CACNA2D1: variants seen among roughly 807,000 people sequenced by gnomAD.
CACNA2D1 encodes the protein voltage-dependent calcium channel subunit alpha-2/delta-1.
In CACNA2D1, 53 loss-of-function variants were observed where a neutral mutation model predicts 171.5. The observed-to-expected ratio is 0.31, with a 90% confidence interval of 0.25 to 0.39. The LOEUF (loss-of-function observed/expected upper bound fraction) is 0.39. Among genes scored for constraint, CACNA2D1 ranks in the 10% least tolerant of loss-of-function variants. The probability of loss-of-function intolerance (pLI) is 1.00; values close to 1 mark genes in which losing one functional copy is unlikely to be tolerated. For synonymous variants in CACNA2D1, 442 were observed against 443.1 expected, an observed-to-expected ratio of 1.00 and a Z score of 0.03; for missense variants, 903 against 1,299.8, an observed-to-expected ratio of 0.69 and a Z score of 4.69.
intron 3 of CACNA2D1, among the ~76,000 whole-genome samples, chr7:82,190,927 C>T (rs892565094): frequency 6.6e-6 from 1 of 151,540 alleles, no homozygotes; most frequent in Non-Finnish European, 1.5e-5. Flanking sequence ...TTGAATGACA[C>T]TACAAAATTA....
intron 1 of CACNA2D1, among the ~76,000 whole-genome samples, chr7:82,399,371 C>T (rs138600668): frequency 0.021 from 3,154 of 151,258 alleles, 114 homozygotes; most frequent in East Asian, 0.12. Context: ...ACCCAGGAGG[C>T]GGAGGCTGCA....
rs139711701 is a variant in CACNA2D1 at position 82,130,202 on chromosome 7, A to G, written c.396+6433T>C. 3.5e-3 allele frequency among the ~76,000 whole-genome samples: 539 copies of G among 152,020 alleles called. 3 individuals are homozygous for G. The highest frequency in any genetic ancestry group is 5.6e-3 in the Non-Finnish European group (383 of 67,972). ...TATTGTAAGAGTTACATCAGCTGCT[A>G]TAAGTGCATAAGAGCTGCTCTCTGG... On this transcript the variant is annotated intron_variant, in intron 5 of 38. Coordinates refer to ENST00000356860, the MANE Select transcript of CACNA2D1 (RefSeq NM_000722.4).
At chr7:82,395,049 G>A (rs939981547) in intron 1 of CACNA2D1, among the ~76,000 whole-genome samples, 7 of 152,016 alleles carry the variant, frequency 4.6e-5, no homozygotes, top group Non-Finnish European at 1.5e-5. Context: ...TCCTATATTT[G>A]CTAAGAATTC....
intron 3 of CACNA2D1, among the ~76,000 whole-genome samples, chr7:82,197,902 T>C (rs866051026): frequency 6.6e-6 from 1 of 150,620 alleles, no homozygotes; most frequent in East Asian, 2.0e-4. Flanking sequence ...ATATATGACA[T>C]TATGCACACA....
intron 34 of CACNA2D1, 37 bp from the exon 35 acceptor site, chr7:81,962,532 G>A: frequency 7.3e-7 from 1 of 1,364,026 alleles, no homozygotes; most frequent in Admixed American, 1.9e-5. Context: ...AAACATCTAG[G>A]GAAAAAATGT....
intron 10 of CACNA2D1, among the ~76,000 whole-genome samples, chr7:82,056,905 A>C (rs1805972641): frequency 6.6e-6 from 1 of 151,904 alleles, no homozygotes; most frequent in South Asian, 2.1e-4. Context: ...ATGTTATAGT[A>C]CAGGGAGTCC....
At chr7:82,434,186 T>C (rs1829933116) in intron 1 of CACNA2D1, among the ~76,000 whole-genome samples, 1 of 152,230 alleles carries the variant, frequency 6.6e-6, no homozygotes, top group South Asian at 2.1e-4. Flanking sequence ...TTTTCTGCAG[T>C]TGTTGGAACA....
chr7:82,371,729 C>A (rs1191779841), intron 1 of CACNA2D1, among the ~76,000 whole-genome samples: 1 of 152,088 alleles, frequency 6.6e-6, no homozygotes, highest in East Asian at 1.9e-4. Flanking sequence ...CGCACACCAC[C>A]ATCCCCGGCT....
intron 3 of CACNA2D1, among the ~76,000 whole-genome samples, chr7:82,281,637 C>A (rs1364195358): frequency 6.6e-6 from 1 of 151,980 alleles, no homozygotes; most frequent in Non-Finnish European, 1.5e-5. Context: ...ACAAATATTT[C>A]TATTAAAAAA....
chr7:82,315,826 G>C (rs2129435363), intron 3 of CACNA2D1, among the ~76,000 whole-genome samples: 1 of 152,178 alleles, frequency 6.6e-6, no homozygotes, highest in African/African-American at 2.4e-5. Flanking sequence ...ATCAACTAAT[G>C]CCCGCTAACA....
intron 1 of CACNA2D1, among the ~76,000 whole-genome samples, chr7:82,382,004 C>CGGT (rs1464571875): frequency 1.3e-5 from 2 of 152,058 alleles, no homozygotes; most frequent in African/African-American, 4.8e-5. Context: ...ACCTATTTTA[C>CGGT]CCACTGACAT....
intron 7 of CACNA2D1, among the ~76,000 whole-genome samples, chr7:82,079,100 C>G (rs187395999): frequency 1.3e-5 from 2 of 152,116 alleles, no homozygotes; most frequent in South Asian, 4.1e-4. Flanking sequence ...CTTTATATTA[C>G]GCTAGCTCTA....
At chr7:82,283,303 T>C (rs557573051) in intron 3 of CACNA2D1, among the ~76,000 whole-genome samples, 1 of 152,294 alleles carries the variant, frequency 6.6e-6, no homozygotes, top group South Asian at 2.1e-4. Context: ...AGTTTCCTTC[T>C]AACATTAGAA....
chr7:82,321,256 C>T (rs1026200472), intron 3 of CACNA2D1, among the ~76,000 whole-genome samples: 4 of 151,702 alleles, frequency 2.6e-5, no homozygotes, highest in African/African-American at 7.3e-5. Flanking sequence ...AAAATTAGCC[C>T]GGCATGGTGG....
intron 18 of CACNA2D1, among the ~76,000 whole-genome samples, chr7:82,003,662 A>G (rs187944525): frequency 7.0e-4 from 106 of 150,618 alleles, no homozygotes; most frequent in African/African-American, 2.5e-3. Context: ...TCTTCTGTCT[A>G]TGATATATGT....
At chr7:82,081,323 CA>C (rs1242549710) in intron 7 of CACNA2D1, among the ~76,000 whole-genome samples, 2 of 152,100 alleles carry the variant, frequency 1.3e-5, no homozygotes, top group African/African-American at 4.8e-5. Context: ...GTCATTTCAA[CA>C]AAGCTGTGTT....
chr7:82,199,217 C>T (rs1282669296), intron 3 of CACNA2D1, among the ~76,000 whole-genome samples: 1 of 152,028 alleles, frequency 6.6e-6, no homozygotes, highest in Non-Finnish European at 1.5e-5. Flanking sequence ...GAGTTAATTA[C>T]ATATTGACGA....
chr7:82,266,146 A>C (rs1182204948), intron 3 of CACNA2D1, among the ~76,000 whole-genome samples: 1 of 152,206 alleles, frequency 6.6e-6, no homozygotes, highest in Non-Finnish European at 1.5e-5. Flanking sequence ...TTTTTATTCA[A>C]TAAACCAATT....
At chr7:82,327,157 A>G (rs995716502) in intron 3 of CACNA2D1, among the ~76,000 whole-genome samples, 2 of 152,232 alleles carry the variant, frequency 1.3e-5, no homozygotes, top group African/African-American at 4.8e-5. Flanking sequence ...CTCATATTAA[A>G]TCCTGAAAAA....
Sources: gnomAD v4.1 joint callset for allele counts (sites outside exome capture counted in the v4.1 genomes callset) on GRCh38, gnomAD v4.1.1 for gene constraint, MANE v1.5 for transcripts, NCBI Gene and HGNC (gene_info 2026-07-23, HGNC 2026-07-21) for gene names.